MBD1: variants seen among roughly 807,000 people sequenced by gnomAD.
MBD1 encodes the protein methyl-CpG-binding domain protein 1.
Under a neutral mutation model 82.6 loss-of-function variants are expected in MBD1, and 25 were observed. That is an observed-to-expected ratio of 0.30 (90% confidence interval 0.22 to 0.42). The LOEUF is 0.42. Among genes scored for constraint, MBD1 ranks in the 10% least tolerant of loss-of-function variants. The probability of loss-of-function intolerance (pLI) is 1.00; values close to 1 mark genes in which losing one functional copy is unlikely to be tolerated. For synonymous variants in MBD1, 301 were observed against 303.7 expected (o/e 0.99, Z 0.09); for missense variants, 627 against 819.6 (o/e 0.76, Z 2.87).
In MBD1 at chr18:50,273,338, C is replaced by G. The variant is rs761374455; in HGVS notation, c.1580G>C (p.Ser527Thr). 13 of 1,613,940 alleles carry G rather than the reference C, an allele frequency of 8.1e-6. No individual in the cohort carries two copies. In the East Asian group the frequency reaches 2.2e-4, roughly 28 times the overall value. Residue 527 changes from serine (S) to threonine (T), a missense_variant, in exon 13 of 17, where the codon AGC becomes ACC. Transcript: ENST00000269468. Reference sequence around the variant, plus strand: ...AACATCCATCACTGCCCCCACCTTGCTAGGGCAGCCAGGCACCAATACGGG... The same window carrying G: ...AACATCCATCACTGCCCCCACCTTGGTAGGGCAGCCAGGCACCAATACGGG... Reference protein sequence around the residue: ...TSPVLVPGCPSKAVDPGLPSV... With the variant: ...TSPVLVPGCPTKAVDPGLPSV...
rs113359870 is a variant in MBD1, at chr18:50,276,843, G to C, written c.381C>G (p.Phe127Leu). The change falls in exon 4 of 17, where the codon TTC becomes TTG. Residue 127 changes from phenylalanine to leucine, a missense_variant. Phe to Leu is a conservative substitution (Grantham distance 22). This residue lies in a region of MBD1 where 5 missense variants were observed against 18.7 expected (regional missense o/e 0.27). Transcript: ENST00000269468. ...AGACCAACACTCACCCAGGAGCAGGGAATGAAGCTGGGGCTGTGTCAGTGT... is the reference window on the plus strand; with the variant it reads ...AGACCAACACTCACCCAGGAGCAGGCAATGAAGCTGGGGCTGTGTCAGTGT... The part of the protein sequence containing the change: ...KADTDTAPAS[F>L]PAPGCCENCG... The C allele has an allele frequency of 1.9e-6, 3 of 1,614,222 alleles. No homozygotes were observed. The highest frequency in any genetic ancestry group is 1.3e-5 in the African/African-American group (1 of 75,058).
At chr18:50,267,264 T>C (rs543869239), downstream of MBD1, 37 of 288,864 alleles carry the variant, frequency 1.3e-4, no homozygotes, top group South Asian at 1.7e-3. Flanking sequence ...GTTGATAGAA[T>C]AGCAAGTAAT....
chr18:50,275,463 T>C (rs748517206), intron 8 of MBD1, 137 bp downstream of exon 8: 8 of 1,593,350 alleles, frequency 5.0e-6, no homozygotes, highest in Non-Finnish European at 6.8e-6. Context: ...CAGAGGCAGG[T>C]AGGCGGGGCC....
chr18:50,279,041 C>T (rs1053113359), intron 2 of MBD1, among the ~76,000 whole-genome samples: 6 of 152,330 alleles, frequency 3.9e-5, no homozygotes, highest in Admixed American at 1.3e-4. Flanking sequence ...TAAAATTCTT[C>T]GGAAGACTCC....
chr18:50,280,586 C>T (rs1269840971), intron 1 of MBD1, among the ~76,000 whole-genome samples: 1 of 151,970 alleles, frequency 6.6e-6, no homozygotes, highest in African/African-American at 2.4e-5. Flanking sequence ...AGTGTTACAA[C>T]CTCGACTTCC....
At chr18:50,270,575 G>A (rs1200470716) in intron 16 of MBD1, 3 of 336,250 alleles carry the variant, frequency 8.9e-6, no homozygotes, top group South Asian at 4.8e-5. Context: ...GCTGAAGAGG[G>A]GGAGTCAGGG....
chr18:50,273,743 G>A lies in MBD1; in HGVS notation c.1267C>T (p.Pro423Ser), dbSNP rs766678613. The A allele has an allele frequency of 1.2e-6, 2 of 1,614,140 alleles. No individual in the cohort carries two copies. The highest frequency in any genetic ancestry group is 1.7e-5 in the Admixed American group (1 of 60,036). ...RRHHLGPTLK[P>S]TLATRTAQPD... ...TGGGCTGTGCGTGTAGCCAAGGTGG[G>A]CTTCAAGGTAGGGCCAAGATGGTGC... The change falls in exon 12 of 17, where the codon CCC (proline) becomes TCC (serine). Residue 423 changes from proline to serine, a missense_variant. By Grantham distance (74) the Pro-to-Ser change is moderately conservative (BLOSUM62 -1). Transcript: ENST00000269468.
intron 2 of MBD1, chr18:50,279,643 G>A (rs1414736716): frequency 8.0e-6 from 4 of 501,000 alleles, no homozygotes; most frequent in Non-Finnish European, 1.4e-5. Flanking sequence ...CATGCATTGA[G>A]TGACAGTTTT....
chr18:50,269,097 AG>A lies in MBD1; in HGVS notation c.*753del. The A allele has an allele frequency of 1.0e-6, 1 of 990,454 alleles. No homozygotes were observed. Among genetic ancestry groups the A allele is most frequent in the Non-Finnish European group, 1.2e-6 (1 of 832,402 alleles). The allele number at this position is 990,454 out of a possible 1,614,324, so 61.4% of individuals were successfully genotyped here. On this transcript the variant is annotated 3_prime_UTR_variant, in exon 17 of 17. Coordinates refer to ENST00000269468, the MANE Select transcript of MBD1 (RefSeq NM_015846.4). ...CGTATCTTTTGCATTTCTGTATCCT[AG>A]TATTAAGTACAGTGCCTACCACAGG...
intron 16 of MBD1, chr18:50,270,415 T>G (rs891078515): frequency 8.4e-6 from 4 of 478,920 alleles, no homozygotes; most frequent in Non-Finnish European, 1.6e-5. Flanking sequence ...AGACTGGCTC[T>G]TGGGCAGGAC....
At chr18:50,281,236 G>C (rs1388549770) in intron 1 of MBD1, 127 bp downstream of exon 1, 1 of 1,533,124 alleles carries the variant, frequency 6.5e-7, no homozygotes, top group Non-Finnish European at 8.7e-7. Context: ...TCAGTATTCC[G>C]ACGCCGCCAT....
chr18:50,275,193 C>T lies in MBD1; in HGVS notation c.845G>A (p.Arg282Gln), dbSNP rs371373568. ...AGGCAGTGGCTGGGCTCCGGGGCGC[C>T]GCCTGGCAGCCATCTTGGAGTCACA... ...GGCDSKMAARRRPGAQPLPPP... is the reference protein window; with the variant it reads ...GGCDSKMAARQRPGAQPLPPP... The change falls in exon 9 of 17, where the codon CGG (arginine) becomes CAG (glutamine). Residue 282 changes from arginine to glutamine, a missense_variant. Physicochemically the swap from Arg to Gln is conservative, Grantham distance 43. Around this residue, in one of 6 missense-constraint regions of MBD1, gnomAD observed 228 missense variants for 318.1 expected, o/e 0.72. Transcript: ENST00000269468. The T allele has an allele frequency of 2.2e-5, 35 of 1,613,982 alleles. No individual in the cohort carries two copies. Among genetic ancestry groups the T allele is most frequent in the East Asian group, 4.5e-5 (2 of 44,894 alleles).
intron 13 of MBD1, 103 bp downstream of exon 13, chr18:50,273,231 G>A (rs2036368979): frequency 6.7e-7 from 1 of 1,496,310 alleles, no homozygotes; most frequent in Non-Finnish European, 9.1e-7. Flanking sequence ...GTCGCAATCA[G>A]CACATCTATT....
In MBD1 at chr18:50,270,918, T is replaced by C. The variant is rs1317065134; in HGVS notation, c.*32+551A>G. On this transcript the variant is annotated intron_variant, in intron 16 of 16. Transcript: ENST00000269468. ...GTCTAGGCTCTACTAACACCAGCTG[T>C]TCGACATTGGACAAATTAATGAGTC... The C allele has an allele frequency of 5.7e-6, 3 of 524,624 alleles. No individual in the cohort carries two copies. In the African/African-American group the frequency reaches 6.3e-5, roughly 11 times the overall value. The allele number at this position is 524,624 out of a possible 1,614,324, so 32.5% of individuals were successfully genotyped here.
upstream of MBD1, chr18:50,281,655 C>T (rs1599633529): frequency 4.6e-6 from 2 of 436,656 alleles, no homozygotes; most frequent in Admixed American, 3.9e-5. Context: ...CAGCGGTGCG[C>T]GCGCCCCCCT....
downstream of MBD1, chr18:50,267,170 C>G (rs998165015): frequency 1.8e-5 from 3 of 166,002 alleles, no homozygotes; most frequent in Non-Finnish European, 4.0e-5. Context: ...TCAAGCGATC[C>G]TCCCCACTGC....
At chr18:50,279,740 G>T in intron 2 of MBD1, 143 bp downstream of exon 2, 1 of 1,107,834 alleles carries the variant, frequency 9.0e-7, no homozygotes, top group Non-Finnish European at 1.3e-6. Flanking sequence ...TTAAGTAGGT[G>T]AAATTCAAAC....
intron 2 of MBD1, among the ~76,000 whole-genome samples, chr18:50,278,056 T>C (rs1347465028): frequency 6.6e-6 from 1 of 152,170 alleles, no homozygotes; most frequent in Non-Finnish European, 1.5e-5. Flanking sequence ...TAATGTAATA[T>C]GTACTGTGTT....
chr18:50,272,664 G>A lies in MBD1; in HGVS notation c.1778+13C>T. ...ACCCACTCCTTCCCCACCCCTCACT[G>A]TGTGGGGCACACCTTGGCAACCAGA... On this transcript the variant is annotated intron_variant, in intron 15 of 16. Coordinates refer to ENST00000269468, the MANE Select transcript of MBD1 (RefSeq NM_015846.4). The A allele has an allele frequency of 1.9e-6, 3 of 1,614,100 alleles. No individual in the cohort carries two copies. The highest frequency in any genetic ancestry group is 2.5e-6 in the Non-Finnish European group (3 of 1,179,980).
Sources: gnomAD v4.1 joint callset for allele counts (sites outside exome capture counted in the v4.1 genomes callset) on GRCh38, gnomAD v4.1.1 for gene constraint, gnomAD v4.1.1 regional missense constraint, MANE v1.5 for transcripts, NCBI Gene and HGNC (gene_info 2026-07-23, HGNC 2026-07-21) for gene names.